CREB5: variants seen among roughly 807,000 people sequenced by gnomAD.
CREB5 encodes cAMP responsive element binding protein 5, also known as cyclic AMP-responsive element-binding protein 5.
Under a neutral mutation model 57.1 loss-of-function variants are expected in CREB5, and 19 were observed. The ratio of observed to expected loss-of-function variants is 0.33; its 90% CI spans 0.23 to 0.49. The LOEUF (loss-of-function observed/expected upper bound fraction) is 0.49. CREB5 is among the 20% of genes least tolerant of loss of function. The pLI, the probability that CREB5 is intolerant of heterozygous loss-of-function variation, is 0.99. For missense variants in CREB5, 579 were observed against 671.6 expected (o/e 0.86, Z 1.52); for synonymous variants, 238 against 238.3 (o/e 1.00, Z 0.01).
rs149654542 is a variant in CREB5, at chr7:28,789,216, G to A, written c.703-14983G>A. 1.2e-3 allele frequency among the ~76,000 whole-genome samples: 177 copies of A among 152,268 alleles called. 1 individual carries two copies. In the Middle Eastern group the frequency reaches 0.017, roughly 15 times the overall value. On this transcript the variant is annotated intron_variant, in intron 7 of 10. Coordinates refer to ENST00000357727, the MANE Select transcript of CREB5 (RefSeq NM_182898.4). The stretch of plus-strand genomic sequence containing the variant: ...TTGTTTTCATGCTTGTTGTTTTATA[G>A]GTATTATATGAATCACTGAATGCAA...
intron 1 of CREB5, among the ~76,000 whole-genome samples, chr7:28,424,651 G>T (rs16874562): frequency 0.089 from 13,532 of 152,244 alleles, 770 homozygotes; most frequent in East Asian, 0.26. Flanking sequence ...AACGCTGAAA[G>T]GTTAACACCA....
intron 1 of CREB5, among the ~76,000 whole-genome samples, chr7:28,393,744 A>G (rs1302865486): frequency 6.6e-6 from 1 of 152,192 alleles, no homozygotes; most frequent in Non-Finnish European, 1.5e-5. Context: ...TCTCTGTTAC[A>G]AGATACCTGC....
chr7:28,660,091 G>C (rs1799539895), intron 5 of CREB5, among the ~76,000 whole-genome samples: 11 of 152,158 alleles, frequency 7.2e-5, no homozygotes, highest in Admixed American at 6.5e-4. Flanking sequence ...GAGCTGAGAT[G>C]ATTGGCAGTT....
intron 4 of CREB5, among the ~76,000 whole-genome samples, chr7:28,510,294 T>A (rs1792654189): frequency 6.6e-6 from 1 of 152,236 alleles, no homozygotes; most frequent in Non-Finnish European, 1.5e-5. Context: ...CTTTTCTTTT[T>A]CCTTTTGGTC....
intron 4 of CREB5, among the ~76,000 whole-genome samples, chr7:28,564,582 A>G (rs1374724049): frequency 6.6e-6 from 1 of 152,154 alleles, no homozygotes; most frequent in Non-Finnish European, 1.5e-5. Flanking sequence ...CACACCCTTT[A>G]TGTCTCAGAA....
intron 7 of CREB5, among the ~76,000 whole-genome samples, chr7:28,735,810 T>G (rs1373742283): frequency 6.6e-6 from 1 of 151,716 alleles, no homozygotes; most frequent in Non-Finnish European, 1.5e-5. Flanking sequence ...TTCCTCTCTC[T>G]CTCTTTTTTT....
At chr7:28,526,369 G>A (rs548606546) in intron 4 of CREB5, among the ~76,000 whole-genome samples, 9 of 152,176 alleles carry the variant, frequency 5.9e-5, no homozygotes, top group East Asian at 1.9e-4. Context: ...AAAATGTTCA[G>A]AGCAATATAA....
In CREB5 at chr7:28,622,317, A is replaced by G. The variant is rs570511495; in HGVS notation, c.464+51780A>G. Among the ~76,000 whole-genome samples, 6 of 151,586 alleles carry G rather than the reference A, an allele frequency of 4.0e-5. No homozygotes were observed. The East Asian group carries it at 7.8e-4, about 20-fold the overall frequency. On this transcript the variant is annotated intron_variant, in intron 5 of 10. Transcript: ENST00000357727. ...CACTCCCCACACCCTTCAATCATAT[A>G]TCCCCTTAGAGATGTTCATTACATC...
At chr7:28,491,243 G>A (rs1323883220) in intron 2 of CREB5, 2 of 985,446 alleles carry the variant, frequency 2.0e-6, no homozygotes, top group Non-Finnish European at 1.2e-6. Flanking sequence ...TCAAGAACAA[G>A]AAACCAGTGA....
At chr7:28,787,714 C>A (rs561882627) in intron 7 of CREB5, among the ~76,000 whole-genome samples, 2 of 152,304 alleles carry the variant, frequency 1.3e-5, no homozygotes, top group East Asian at 3.9e-4. Flanking sequence ...ACCACCACAC[C>A]TGGCTAATGT....
At chr7:28,630,070 A>T (rs1287174034) in intron 5 of CREB5, among the ~76,000 whole-genome samples, 1 of 152,176 alleles carries the variant, frequency 6.6e-6, no homozygotes, top group Non-Finnish European at 1.5e-5. Context: ...GAAACTGTGG[A>T]CTCACTGCTC....
chr7:28,606,541 T>C (rs747351717), intron 5 of CREB5, among the ~76,000 whole-genome samples: 1 of 152,200 alleles, frequency 6.6e-6, no homozygotes, highest in Non-Finnish European at 1.5e-5. Flanking sequence ...CTCATGCCCA[T>C]CTTCCCTCTG....
chr7:28,450,269 TATA>T (rs1789730401), intron 1 of CREB5, among the ~76,000 whole-genome samples: 1 of 152,216 alleles, frequency 6.6e-6, no homozygotes, highest in Non-Finnish European at 1.5e-5. Flanking sequence ...CGAGGGTACT[TATA>T]ATATGCCTAG....
chr7:28,359,930 T>G (rs1269807058), intron 1 of CREB5, among the ~76,000 whole-genome samples: 1 of 152,186 alleles, frequency 6.6e-6, no homozygotes, highest in Non-Finnish European at 1.5e-5. Flanking sequence ...AAGGGACATT[T>G]CTCTAAACAT....
chr7:28,419,930 G>A (rs1218206951), intron 1 of CREB5, among the ~76,000 whole-genome samples: 1 of 152,138 alleles, frequency 6.6e-6, no homozygotes, highest in Non-Finnish European at 1.5e-5. Flanking sequence ...CTGTGTTGAC[G>A]TCATCAAAGA....
At chr7:28,618,572 T>C (rs924115771) in intron 5 of CREB5, among the ~76,000 whole-genome samples, 8 of 152,200 alleles carry the variant, frequency 5.3e-5, no homozygotes, top group Non-Finnish European at 1.0e-4. Context: ...TGGCTCTGTC[T>C]AGGTAATCCT....
intron 7 of CREB5, among the ~76,000 whole-genome samples, chr7:28,751,158 A>C (rs1804953522): frequency 7.2e-6 from 1 of 138,070 alleles, no homozygotes; most frequent in African/African-American, 2.7e-5. Context: ...AAGCCTGGGA[A>C]GCGTCAGGAA....
chr7:28,333,409 A>G (rs1008074967), intron 1 of CREB5, among the ~76,000 whole-genome samples: 3 of 152,064 alleles, frequency 2.0e-5, no homozygotes, highest in Non-Finnish European at 4.4e-5. Context: ...ATCCGATTAT[A>G]CTCTTTCAGT....
At chr7:28,309,641 C>T (rs1407745846) in intron 1 of CREB5, among the ~76,000 whole-genome samples, 1 of 152,198 alleles carries the variant, frequency 6.6e-6, no homozygotes, top group African/African-American at 2.4e-5. Context: ...CACCTACCAG[C>T]CCTAACCCCT....
Sources: gnomAD v4.1 joint callset for allele counts (sites outside exome capture counted in the v4.1 genomes callset) on GRCh38, gnomAD v4.1.1 for gene constraint, MANE v1.5 for transcripts, NCBI Gene and HGNC (gene_info 2026-07-23, HGNC 2026-07-21) for gene names.